ZNF730: variants seen among roughly 807,000 people sequenced by gnomAD.
The protein encoded by ZNF730 is putative zinc finger protein 730.
In ZNF730, 12 loss-of-function variants were observed where a neutral mutation model predicts 12.6. The ratio of observed to expected loss-of-function variants is 0.95; its 90% CI spans 0.61 to 1.54. The LOEUF (loss-of-function observed/expected upper bound fraction) is 1.54. Ranked by LOEUF, ZNF730 falls within the 40% of genes most tolerant of loss-of-function variation. The pLI, the probability that ZNF730 is intolerant of heterozygous loss-of-function variation, is 0.00. For synonymous variants in ZNF730, 194 were observed against 195.8 expected, an observed-to-expected ratio of 0.99 and a Z score of 0.08; for missense variants, 643 against 583.5, an observed-to-expected ratio of 1.10 and a Z score of -1.05.
At chr19:23,111,771 G>C (rs1462936703) in intron 1 of ZNF730, among the ~76,000 whole-genome samples, 1 of 145,046 alleles carries the variant, frequency 6.9e-6, no homozygotes, top group East Asian at 2.0e-4. Context: ...GATAGATACA[G>C]TAGTATTGAG....
chr19:23,135,904 A>G, intron 2 of ZNF730, 44 bp from the exon 3 acceptor site: 1 of 1,531,746 alleles, frequency 6.5e-7, no homozygotes, highest in African/African-American at 1.4e-5. Context: ...TAAGTTGGTA[A>G]TTGGAGAATA....
At position 23,145,885 on chromosome 19, in the gene ZNF730, G is replaced by C. The variant is rs1970999176; in HGVS notation, c.841G>C (p.Glu281Gln). Residue 281 changes from glutamate to glutamine, a missense_variant, in exon 4 of 4, where the codon GAG becomes CAG. Physicochemically the swap from Glu to Gln is conservative, Grantham distance 29. Coordinates refer to ENST00000597761, the MANE Select transcript of ZNF730 (RefSeq NM_001277403.2). ...LTTHKRIHTG[E>Q]KPYKCEECGK... ...TACACATAAAAGAATTCATACTGGA[G>C]AGAAACCCTATAAATGTGAAGAATG... 1 of 1,610,358 alleles carries C rather than the reference G, an allele frequency of 6.2e-7. No individual in the cohort carries two copies. The highest frequency in any genetic ancestry group is 8.5e-7 in the Non-Finnish European group (1 of 1,179,476).
Position 23,145,497 on chromosome 19 carries a change from G to T in ZNF730, c.453G>T (p.Val151=). Residue 151 remains valine (V), a synonymous_variant, in exon 4 of 4, where the codon GTG becomes GTT. Coordinates refer to ENST00000597761, the MANE Select transcript of ZNF730 (RefSeq NM_001277403.2). ...AAATATTTCAGTGTGACAAATATGTGAAAGTCTTTCATAAATTTTCAAATT... is the reference window on the plus strand; with the variant it reads ...AAATATTTCAGTGTGACAAATATGTTAAAGTCTTTCATAAATTTTCAAATT... ...HSKIFQCDKY[V]KVFHKFSNSN... The T allele has an allele frequency of 6.4e-7, 1 of 1,564,076 alleles. No homozygotes were observed.
chr19:23,106,173 G>A (rs1054434279), intron 1 of ZNF730, among the ~76,000 whole-genome samples: 23 of 151,348 alleles, frequency 1.5e-4, no homozygotes, highest in Non-Finnish European at 2.4e-4. Context: ...AAGGGGAGAT[G>A]GAGAAATAGA....
chr19:23,116,069 G>A (rs1970515237), upstream of ZNF730, among the ~76,000 whole-genome samples: 2 of 152,200 alleles, frequency 1.3e-5, no homozygotes, highest in South Asian at 2.1e-4. Context: ...GTCCCCGCAC[G>A]CACAGGAGAA....
At chr19:23,100,477 G>C (rs1055323438) in intron 1 of ZNF730, 1 of 152,032 alleles carries the variant, frequency 6.6e-6, no homozygotes, top group South Asian at 2.1e-4. Flanking sequence ...AGGTGAGATC[G>C]TGTTCTATAC....
intron 3 of ZNF730, among the ~76,000 whole-genome samples, chr19:23,142,906 A>T (rs899493961): frequency 2.0e-5 from 3 of 151,938 alleles, no homozygotes; most frequent in African/African-American, 7.3e-5. Flanking sequence ...ATCTATACAG[A>T]TATTTTCTTT....
At chr19:23,104,046 T>C (rs1382968302) in intron 1 of ZNF730, among the ~76,000 whole-genome samples, 1 of 152,018 alleles carries the variant, frequency 6.6e-6, no homozygotes, top group East Asian at 1.9e-4. Context: ...TGTGGTGGCT[T>C]ACACCTGTAA....
intron 1 of ZNF730, among the ~76,000 whole-genome samples, chr19:23,079,018 C>A (rs946717899): frequency 7.9e-5 from 12 of 152,210 alleles, no homozygotes; most frequent in African/African-American, 2.9e-4. Context: ...GTTGGCCAGG[C>A]TGATCTCGAA....
intron 1 of ZNF730, chr19:23,127,696 C>G: frequency 8.1e-7 from 1 of 1,240,918 alleles, no homozygotes; most frequent in African/African-American, 1.5e-5. Context: ...AAATGTCCAC[C>G]AGCAGAGCAG....
intron 1 of ZNF730, chr19:23,127,322 C>A: frequency 1.5e-6 from 1 of 686,370 alleles, no homozygotes; most frequent in Non-Finnish European, 2.7e-6. Flanking sequence ...TAAATATTTT[C>A]TCAAAATAGG....
At chr19:23,081,811 T>G (rs116425319) in intron 1 of ZNF730, among the ~76,000 whole-genome samples, 2,618 of 152,280 alleles carry the variant, frequency 0.017, 61 homozygotes, top group African/African-American at 0.058. Flanking sequence ...CAGACTGGAG[T>G]GCAGTGGAGC....
rs1230692638 is a variant in ZNF730, at chr19:23,145,980, C to G, written c.936C>G (p.Tyr312Ter). Reference protein sequence around the residue: ...HKKIHTKEQPYKCEKCGKAFK... With the variant: ...HKKIHTKEQP The stretch of plus-strand genomic sequence containing the variant: ...AAATTCATACTAAAGAGCAACCATA[C>G]AAATGCGAAAAATGTGGCAAAGCTT... The change falls in exon 4 of 4, where the codon TAC (tyrosine) becomes TAG (stop). Residue 312 changes from tyrosine (Y) to a stop codon, truncating the protein, a stop_gained. Transcript: ENST00000597761. LOFTEE classifies it low-confidence loss of function (END_TRUNC). 6.2e-7 allele frequency: 1 copy of G among 1,606,806 alleles called. No individual in the cohort carries two copies. The highest frequency in any genetic ancestry group is 8.5e-7 in the Non-Finnish European group (1 of 1,177,940).
At chr19:23,141,424 A>C (rs939135900) in intron 3 of ZNF730, among the ~76,000 whole-genome samples, 2 of 151,976 alleles carry the variant, frequency 1.3e-5, no homozygotes, top group African/African-American at 4.8e-5. Context: ...TAAAATAAAC[A>C]GACATGGTGT....
Position 23,145,503 on chromosome 19 carries a change from C to T in ZNF730, c.459C>T (p.Val153=), listed in dbSNP as rs758074465. 1.0e-5 allele frequency: 16 copies of T among 1,562,744 alleles called. No homozygotes were observed. Among genetic ancestry groups the T allele is most frequent in the Non-Finnish European group, 1.3e-5 (15 of 1,154,614 alleles). Residue 153 remains valine, a synonymous_variant, in exon 4 of 4, where the codon GTC becomes GTT. Coordinates refer to ENST00000597761, the MANE Select transcript of ZNF730 (RefSeq NM_001277403.2). The stretch of plus-strand genomic sequence containing the variant: ...TTCAGTGTGACAAATATGTGAAAGT[C>T]TTTCATAAATTTTCAAATTCAAACA... ...KIFQCDKYVK[V]FHKFSNSNRH... is the part of the protein sequence containing the mutation.
chr19:23,088,342 G>A (rs1015762132), intron 1 of ZNF730, among the ~76,000 whole-genome samples: 3 of 151,990 alleles, frequency 2.0e-5, no homozygotes, highest in Non-Finnish European at 2.9e-5. Context: ...CAACGAGAAT[G>A]TTTCCAGTTT....
intron 1 of ZNF730, chr19:23,127,636 C>G (rs1423507654): frequency 5.4e-6 from 6 of 1,108,214 alleles, no homozygotes; most frequent in Admixed American, 3.4e-5. Context: ...GCAATAAACT[C>G]TTTGTGTGAA....
upstream of ZNF730, among the ~76,000 whole-genome samples, chr19:23,113,029 A>G (rs1488438391): frequency 6.6e-6 from 1 of 152,222 alleles, no homozygotes; most frequent in East Asian, 1.9e-4. Flanking sequence ...TGGTTACACA[A>G]TAGACTTTAA....
chr19:23,117,259 C>T (rs1970541457), intron 1 of ZNF730, 83 bp downstream of exon 1: 4 of 1,606,852 alleles, frequency 2.5e-6, no homozygotes, highest in East Asian at 2.2e-5. Context: ...GGACCCAGGC[C>T]TCCCCGCAGT....
Sources: gnomAD v4.1 joint callset for allele counts (sites outside exome capture counted in the v4.1 genomes callset) on GRCh38, gnomAD v4.1.1 for gene constraint, MANE v1.5 for transcripts, NCBI Gene and HGNC (gene_info 2026-07-23, HGNC 2026-07-21) for gene names.